ROR1: variants seen among roughly 807,000 people sequenced by gnomAD.
ROR1 encodes the protein inactive tyrosine-protein kinase transmembrane receptor ROR1.
ROR1 carries 19 observed loss-of-function variants against 78.8 expected under a neutral mutation model. The ratio of observed to expected loss-of-function variants is 0.24; its 90% confidence interval spans 0.17 to 0.35. The LOEUF is 0.35. Among genes scored for constraint, ROR1 ranks in the 10% least tolerant of loss-of-function variants. The pLI is 1.00. For missense variants in ROR1, 917 were observed against 1,177.8 expected, an observed-to-expected ratio of 0.78 and a Z score of 3.24; for synonymous variants, 386 against 433.6, an observed-to-expected ratio of 0.89 and a Z score of 1.36.
At chr1:63,968,042 T>G (rs1477101933) in intron 1 of ROR1, among the ~76,000 whole-genome samples, 8 of 152,204 alleles carry the variant, frequency 5.3e-5, no homozygotes, top group Non-Finnish European at 1.2e-4. Context: ...GGGTTGTCTG[T>G]GTGCATATGC....
intron 1 of ROR1, among the ~76,000 whole-genome samples, chr1:63,919,216 T>A (rs1383168922): frequency 6.6e-6 from 1 of 152,156 alleles, no homozygotes; most frequent in Non-Finnish European, 1.5e-5. Context: ...TATTGACACA[T>A]TGAGAAAAAA....
chr1:63,791,644 G>C (rs768590917), intron 1 of ROR1, among the ~76,000 whole-genome samples: 51 of 152,078 alleles, frequency 3.4e-4, no homozygotes, highest in Admixed American at 1.8e-3. Flanking sequence ...ATGGTGGATG[G>C]GCATGAGGGT....
In ROR1 at chr1:64,144,558, A is replaced by G. The variant is rs551796723; in HGVS notation, c.1174+1908A>G. ...GAGTGGCTACCATGTGCCAGATCCT[A>G]TGTGAGACACCTTACCTCTGTCACC... On this transcript the variant is annotated intron_variant, in intron 7 of 8. Coordinates refer to ENST00000371079, the MANE Select transcript of ROR1 (RefSeq NM_005012.4). Among the ~76,000 whole-genome samples, 24 of 152,354 alleles carry G rather than the reference A, an allele frequency of 1.6e-4. No homozygotes were observed. The East Asian group carries it at 4.6e-3, about 29-fold the overall frequency.
At chr1:63,924,014 G>A (rs536010336) in intron 1 of ROR1, among the ~76,000 whole-genome samples, 7 of 151,834 alleles carry the variant, frequency 4.6e-5, no homozygotes, top group Non-Finnish European at 7.4e-5. Flanking sequence ...TAAACACGGG[G>A]TTCTTCCATT....
At chr1:64,073,586 T>TA (rs1461773108) in intron 4 of ROR1, among the ~76,000 whole-genome samples, 4 of 152,216 alleles carry the variant, frequency 2.6e-5, no homozygotes, top group Non-Finnish European at 4.4e-5. Context: ...CTTGGCTCTG[T>TA]AATCTTGGAG....
At chr1:64,053,079 C>T (rs867483759) in intron 4 of ROR1, among the ~76,000 whole-genome samples, 1 of 152,192 alleles carries the variant, frequency 6.6e-6, no homozygotes, top group South Asian at 2.1e-4. Flanking sequence ...CATTGAGGTC[C>T]CTCTAAAGGT....
At chr1:63,779,681 A>G (rs583192) in intron 1 of ROR1, among the ~76,000 whole-genome samples, 54,880 of 152,116 alleles carry the variant, frequency 0.36, 13,723 homozygotes, top group African/African-American at 0.72. Context: ...CAGTAAGCTC[A>G]GTTGGGGTTT....
intron 1 of ROR1, among the ~76,000 whole-genome samples, chr1:63,837,301 T>C (rs183727132): frequency 1.2e-4 from 19 of 152,298 alleles, no homozygotes; most frequent in African/African-American, 4.3e-4. Context: ...CTTTTTCAGA[T>C]TGTGTTATGG....
At chr1:63,871,175 T>G (rs1412855730) in intron 1 of ROR1, among the ~76,000 whole-genome samples, 10 of 152,180 alleles carry the variant, frequency 6.6e-5, no homozygotes, top group Admixed American at 6.6e-4. Context: ...TCTCCGAACT[T>G]AGGTAGTAGT....
intron 1 of ROR1, among the ~76,000 whole-genome samples, chr1:63,867,421 T>C (rs1448671789): frequency 6.6e-6 from 1 of 152,186 alleles, no homozygotes. Context: ...TCTTTCATCT[T>C]GAAAGGATTC....
chr1:63,867,933 T>C, intron 1 of ROR1, among the ~76,000 whole-genome samples: 1 of 152,204 alleles, frequency 6.6e-6, no homozygotes, highest in Admixed American at 6.5e-5. Context: ...AGCATGGCCA[T>C]GTCGTTAGTT....
At chr1:64,002,115 T>C (rs559132175) in intron 1 of ROR1, among the ~76,000 whole-genome samples, 1 of 149,426 alleles carries the variant, frequency 6.7e-6, no homozygotes, top group Admixed American at 6.8e-5. Flanking sequence ...TAGAAGGTGT[T>C]AGGGACCAGT....
Position 64,140,343 on chromosome 1 carries a change from G to T in ROR1, c.845G>T (p.Cys282Phe). The change falls in exon 6 of 9, where the codon TGT (cysteine) becomes TTT (phenylalanine). Residue 282 changes from cysteine to phenylalanine, a missense_variant. Physicochemically the swap from Cys to Phe is radical, Grantham distance 205. Transcript: ENST00000371079. ...MILMRLKLPN[C>F]EDLPQPESPE... Reference sequence around the variant, plus strand: ...CTGATGAGGCTGAAACTGCCAAACTGTGAAGATCTCCCCCAGCCAGAGAGC... The same window carrying T: ...CTGATGAGGCTGAAACTGCCAAACTTTGAAGATCTCCCCCAGCCAGAGAGC... 2 of 1,614,150 alleles carry T rather than the reference G, an allele frequency of 1.2e-6. No individual in the cohort carries two copies. The highest frequency in any genetic ancestry group is 1.7e-6 in the Non-Finnish European group (2 of 1,180,012).
chr1:64,006,012 C>T (rs911794171), intron 1 of ROR1, among the ~76,000 whole-genome samples: 3 of 152,124 alleles, frequency 2.0e-5, no homozygotes, highest in African/African-American at 7.2e-5. Context: ...TGTCCAGGGA[C>T]ACGTGGGGAA....
At chr1:63,893,252 A>G (rs1465995786) in intron 1 of ROR1, among the ~76,000 whole-genome samples, 1 of 152,080 alleles carries the variant, frequency 6.6e-6, no homozygotes, top group African/African-American at 2.4e-5. Flanking sequence ...CTCCTGTGGT[A>G]CTTCCTGCTA....
At chr1:63,777,319 CT>C (rs1644623330) in intron 1 of ROR1, among the ~76,000 whole-genome samples, 1 of 152,110 alleles carries the variant, frequency 6.6e-6, no homozygotes, top group Admixed American at 6.5e-5. Context: ...TTTGTCTGTA[CT>C]TTTAGAATAG....
At chr1:64,134,318 C>T (rs1050088026) in intron 4 of ROR1, among the ~76,000 whole-genome samples, 4 of 152,110 alleles carry the variant, frequency 2.6e-5, no homozygotes, top group Non-Finnish European at 5.9e-5. Flanking sequence ...GTCTCTTTCT[C>T]GAGTAGGCTG....
chr1:64,119,173 A>T (rs1648432593), intron 4 of ROR1, among the ~76,000 whole-genome samples: 1 of 152,174 alleles, frequency 6.6e-6, no homozygotes, highest in Non-Finnish European at 1.5e-5. Flanking sequence ...CGTGCACAAC[A>T]GGAATTTTGG....
At chr1:64,089,350 C>G (rs2100641856) in intron 4 of ROR1, among the ~76,000 whole-genome samples, 1 of 152,122 alleles carries the variant, frequency 6.6e-6, no homozygotes, top group Admixed American at 6.6e-5. Flanking sequence ...GCTGGGACTA[C>G]AGGCACATGC....
Sources: allele counts gnomAD v4.1 joint callset (sites outside exome capture counted in the v4.1 genomes callset), GRCh38; gene constraint gnomAD v4.1.1; transcripts MANE v1.5; gene names NCBI Gene and HGNC (gene_info 2026-07-23, HGNC 2026-07-21).